Variants in SLIT3 observed in about 807,000 individuals in gnomAD.
SLIT3 encodes the protein slit homolog 3 protein.
Under a neutral mutation model 184.0 loss-of-function variants are expected in SLIT3, and 68 were observed. That is an observed-to-expected ratio of 0.37 (90% CI 0.30 to 0.45). SLIT3 has a LOEUF of 0.45. Among genes scored for constraint, SLIT3 ranks in the 20% least tolerant of loss-of-function variants. The pLI is 1.00. For synonymous variants in SLIT3, 831 were observed against 828.6 expected, an observed-to-expected ratio of 1.00 and a Z score of -0.05; for missense variants, 1,707 against 2,026.0, an observed-to-expected ratio of 0.84 and a Z score of 3.02.
rs560259866 is a variant in SLIT3, at chr5:168,939,519, A to T, written c.414-56183T>A. Among the ~76,000 whole-genome samples, 4 of 152,256 alleles carry T rather than the reference A, an allele frequency of 2.6e-5. No individual in the cohort carries two copies. The South Asian group carries it at 8.3e-4, about 32-fold the overall frequency. On this transcript the variant is annotated intron_variant, in intron 4 of 35. Coordinates refer to ENST00000519560, the MANE Select transcript of SLIT3 (RefSeq NM_003062.4). ...CAACTTAATAATGCAAACAAGATAG[A>T]GGAAGACAAGTTTCTAGAAAAACCA...
At chr5:169,174,027 G>A (rs1028974694) in intron 4 of SLIT3, among the ~76,000 whole-genome samples, 2 of 152,144 alleles carry the variant, frequency 1.3e-5, no homozygotes, top group Non-Finnish European at 2.9e-5. Context: ...AAACGGTACA[G>A]AAGACCCTTC....
intron 4 of SLIT3, among the ~76,000 whole-genome samples, chr5:168,888,662 T>C (rs1377761664): frequency 6.6e-6 from 1 of 152,170 alleles, no homozygotes; most frequent in Non-Finnish European, 1.5e-5. Context: ...TTTGACTACC[T>C]CTTCAATCCC....
intron 6 of SLIT3, among the ~76,000 whole-genome samples, chr5:168,837,051 C>T (rs986055299): frequency 6.6e-6 from 1 of 152,094 alleles, no homozygotes; most frequent in African/African-American, 2.4e-5. Context: ...TGTCATGGAA[C>T]CTGGAGTCTG....
intron 4 of SLIT3, among the ~76,000 whole-genome samples, chr5:168,891,459 G>A (rs1480419704): frequency 6.6e-6 from 1 of 152,182 alleles, no homozygotes; most frequent in East Asian, 1.9e-4. Flanking sequence ...GCTTGGAGGG[G>A]AGACTGGTTG....
intron 3 of SLIT3, among the ~76,000 whole-genome samples, chr5:169,233,493 G>A (rs774292099): frequency 6.6e-5 from 10 of 151,034 alleles, no homozygotes; most frequent in Admixed American, 4.6e-4. Context: ...AATAGCTAAC[G>A]TGTGCTGGGC....
chr5:168,826,460 C>T (rs12518561), intron 6 of SLIT3, among the ~76,000 whole-genome samples: 1 of 152,196 alleles, frequency 6.6e-6, no homozygotes, highest in Non-Finnish European at 1.5e-5. Context: ...GTGCCGCTGC[C>T]TAAGTAGCTG....
intron 23 of SLIT3, among the ~76,000 whole-genome samples, chr5:168,715,709 G>A (rs1762702549): frequency 6.6e-6 from 1 of 152,174 alleles, no homozygotes; most frequent in African/African-American, 2.4e-5. Context: ...GTCTCACTTT[G>A]TTGCCCAGGC....
intron 23 of SLIT3, chr5:168,712,575 G>A: frequency 1.8e-6 from 1 of 547,500 alleles, no homozygotes; most frequent in Non-Finnish European, 3.3e-6. Context: ...AGAAGGGGGT[G>A]GACTTTTCAA....
intron 4 of SLIT3, among the ~76,000 whole-genome samples, chr5:169,183,413 T>A (rs1024405627): frequency 6.6e-6 from 1 of 152,190 alleles, no homozygotes; most frequent in African/African-American, 2.4e-5. Flanking sequence ...AGGAGGTTTT[T>A]CTGAAGCCCT....
At chr5:168,780,438 C>G (rs1184681185) in intron 12 of SLIT3, among the ~76,000 whole-genome samples, 1 of 152,278 alleles carries the variant, frequency 6.6e-6, no homozygotes, top group African/African-American at 2.4e-5. Flanking sequence ...TTCATGAACA[C>G]TCAGATGCAG....
chr5:169,280,910 A>G (rs1766972734), intron 1 of SLIT3, among the ~76,000 whole-genome samples: 1 of 152,332 alleles, frequency 6.6e-6, no homozygotes, highest in East Asian at 1.9e-4. Context: ...AACGAACCAC[A>G]AATACAATAG....
At chr5:169,244,813 C>T in intron 2 of SLIT3, 37 bp from the exon 3 acceptor site, 1 of 1,592,898 alleles carries the variant, frequency 6.3e-7, no homozygotes, top group Admixed American at 1.7e-5. Context: ...AAGGACAAAG[C>T]TGGGCTCAGG....
intron 4 of SLIT3, among the ~76,000 whole-genome samples, chr5:169,088,807 G>A (rs181954543): frequency 8.6e-5 from 13 of 151,880 alleles, no homozygotes; most frequent in African/African-American, 3.1e-4. Context: ...ATCACCTGAG[G>A]CCAGGAGTTC....
intron 4 of SLIT3, among the ~76,000 whole-genome samples, chr5:168,954,137 C>A (rs1762746746): frequency 6.6e-6 from 1 of 152,074 alleles, no homozygotes; most frequent in Non-Finnish European, 1.5e-5. Flanking sequence ...AGAAGGGGGG[C>A]AGAATGCTTT....
At chr5:168,874,790 T>C (rs1457777576) in intron 5 of SLIT3, among the ~76,000 whole-genome samples, 1 of 152,250 alleles carries the variant, frequency 6.6e-6, no homozygotes, top group African/African-American at 2.4e-5. Flanking sequence ...TCTACTATTT[T>C]TCTCATTTCA....
chr5:168,936,100 G>C (rs939159417), intron 4 of SLIT3, among the ~76,000 whole-genome samples: 45 of 152,228 alleles, frequency 3.0e-4, no homozygotes, highest in Non-Finnish European at 5.6e-4. Flanking sequence ...ATTAGTGAAA[G>C]AGAGCAAAGA....
At chr5:168,776,263 C>T (rs563148304) in intron 12 of SLIT3, among the ~76,000 whole-genome samples, 15 of 152,254 alleles carry the variant, frequency 9.9e-5, no homozygotes, top group Non-Finnish European at 1.3e-4. Context: ...CGGTGCACCC[C>T]GCGTGCAGGC....
At chr5:168,878,022 T>C (rs137860250) in intron 5 of SLIT3, among the ~76,000 whole-genome samples, 1 of 152,340 alleles carries the variant, frequency 6.6e-6, no homozygotes, top group East Asian at 1.9e-4. Flanking sequence ...CTTTTCGCTG[T>C]GCCTTTGCCC....
intron 20 of SLIT3, among the ~76,000 whole-genome samples, chr5:168,739,889 A>G (rs929111161): frequency 2.0e-5 from 3 of 152,244 alleles, no homozygotes; most frequent in Admixed American, 2.0e-4. Flanking sequence ...ATTTGCAAAA[A>G]TATAAAACAA....
Sources: gnomAD v4.1 joint callset for allele counts (sites outside exome capture counted in the v4.1 genomes callset) on GRCh38, gnomAD v4.1.1 for gene constraint, MANE v1.5 for transcripts, NCBI Gene and HGNC (gene_info 2026-07-23, HGNC 2026-07-21) for gene names.